The following KRT85 variants were observed in gnomAD, a reference collection of about 807,000 sequenced individuals.
KRT85 encodes the protein keratin 85.
In KRT85, 39 loss-of-function variants were observed where a neutral mutation model predicts 53.7. The ratio of observed to expected loss-of-function variants is 0.73; its 90% CI spans 0.56 to 0.95. The LOEUF is 0.95. KRT85 is among the 40% of genes least tolerant of loss of function. The pLI is 0.00. For missense variants in KRT85, 668 were observed against 686.0 expected (o/e 0.97, Z 0.29); for synonymous variants, 291 against 277.5 (o/e 1.05, Z -0.48).
At chr12:52,362,101 A>G in intron 7 of KRT85, 150 bp downstream of exon 7, 1 of 1,033,690 alleles carries the variant, frequency 9.7e-7, no homozygotes, top group Non-Finnish European at 1.5e-6. Context: ...CAGGTCTAGC[A>G]CAGAAGCATT....
Position 52,364,113 on chromosome 12 carries a change from C to T in KRT85, c.741G>A (p.Glu247=). 2 of 1,614,198 alleles carry T rather than the reference C, an allele frequency of 1.2e-6. No homozygotes were observed. Among genetic ancestry groups the T allele is most frequent in the Non-Finnish European group, 1.7e-6 (2 of 1,180,044 alleles). Residue 247 remains glutamate (E), a synonymous_variant, in exon 4 of 9, where the codon GAG becomes GAA. Transcript: ENST00000257901. ...GGAAGCTAGACTCCTCCACCAGGGC[C>T]TCCACATTGGCCTCCAGGTCTGATT... ...LRKSDLEANV[E]ALVEESSFLR...
chr12:52,364,447 G>A (rs777021281), intron 2 of KRT85, 81 bp from the exon 3 acceptor site: 6 of 1,611,568 alleles, frequency 3.7e-6, no homozygotes, highest in Non-Finnish European at 4.2e-6. Flanking sequence ...GTTCTTCCGG[G>A]GATTGAAAAG....
chr12:52,364,776 A>C, intron 2 of KRT85, 186 bp downstream of exon 2: 1 of 1,367,230 alleles, frequency 7.3e-7, no homozygotes, highest in Non-Finnish European at 1.0e-6. Flanking sequence ...TAAGGCTCAC[A>C]GGGGTGGAGT....
chr12:52,361,878 G>A (rs972509812), intron 7 of KRT85, among the ~76,000 whole-genome samples: 3 of 152,140 alleles, frequency 2.0e-5, no homozygotes, highest in Non-Finnish European at 4.4e-5. Context: ...ACACAGGCCT[G>A]TGTGGCAGCA....
intron 4 of KRT85, 104 bp downstream of exon 4, chr12:52,363,964 C>T (rs943442907): frequency 4.4e-6 from 4 of 902,176 alleles, no homozygotes; most frequent in Non-Finnish European, 7.5e-6. Context: ...ACTTACATTG[C>T]ACATTGGCAA....
intron 1 of KRT85, 89 bp downstream of exon 1, chr12:52,366,897 G>T: frequency 1.2e-6 from 2 of 1,607,806 alleles, no homozygotes; most frequent in Non-Finnish European, 1.7e-6. Flanking sequence ...CCTCAAACCG[G>T]CAGCCATCCT....
intron 1 of KRT85, among the ~76,000 whole-genome samples, chr12:52,366,785 C>T (rs1939277830): frequency 6.6e-6 from 1 of 152,162 alleles, no homozygotes; most frequent in East Asian, 1.9e-4. Flanking sequence ...ATCACAGGCT[C>T]AATTTCTAGA....
chr12:52,367,220 G>A lies in KRT85; in HGVS notation c.186C>T (p.Cys62=), dbSNP rs998518884. ...GSRSLCNLGS[C]GPRIAVGGFR... is the part of the protein sequence containing the mutation. ...AGCCACCTACAGCTATCCGGGGCCC[G>A]CAGGAGCCCAGGTTGCAGAGGCTGC... Residue 62 remains cysteine (C), a synonymous_variant, in exon 1 of 9, where the codon TGC becomes TGT. Coordinates refer to ENST00000257901, the MANE Select transcript of KRT85 (RefSeq NM_002283.4). 2 of 1,613,432 alleles carry A rather than the reference G, an allele frequency of 1.2e-6. No individual in the cohort carries two copies. Among genetic ancestry groups the A allele is most frequent in the Non-Finnish European group, 1.7e-6 (2 of 1,179,642 alleles).
In KRT85 at chr12:52,363,252, A is replaced by T. The variant is rs1336756037; in HGVS notation, c.945T>A (p.Arg315=). 2 of 1,614,058 alleles carry T rather than the reference A, an allele frequency of 1.2e-6. No homozygotes were observed. Among genetic ancestry groups the T allele is most frequent in the Non-Finnish European group, 1.7e-6 (2 of 1,179,996 alleles). ...RSRAEAESWY[R]SKCEEMKATV... ...GGTGTCCTGTGCCACTCACCTTGCTACGGTACCAGGACTCAGCCTCGGCCC... is the reference window on the plus strand; with the variant it reads ...GGTGTCCTGTGCCACTCACCTTGCTTCGGTACCAGGACTCAGCCTCGGCCC... Residue 315 remains arginine (R), a synonymous_variant, in exon 5 of 9, where the codon CGT becomes CGA. Coordinates refer to ENST00000257901, the MANE Select transcript of KRT85 (RefSeq NM_002283.4).
intron 2 of KRT85, chr12:52,364,656 G>T: frequency 1.4e-6 from 2 of 1,437,278 alleles, no homozygotes; most frequent in Non-Finnish European, 9.1e-7. Context: ...GGTTCCATTG[G>T]CAGGGAGATC....
Position 52,367,190 on chromosome 12 carries a change from T to G in KRT85, c.216A>C (p.Arg72=), listed in dbSNP as rs769219093. 2.1e-5 allele frequency: 34 copies of G among 1,613,690 alleles called. No individual in the cohort carries two copies. The highest frequency in any genetic ancestry group is 2.8e-5 in the Non-Finnish European group (33 of 1,179,964). Residue 72 remains arginine (R), a synonymous_variant, in exon 1 of 9, where the codon CGA becomes CGC. Coordinates refer to ENST00000257901, the MANE Select transcript of KRT85 (RefSeq NM_002283.4). ...CGAAGCTGCGTCCGCAGGAGCCGGC[T>G]CGGAAGCCACCTACAGCTATCCGGG... is the stretch of plus-strand genomic sequence containing the variant. The part of the protein sequence containing the change: ...CGPRIAVGGF[R]AGSCGRSFGY...
chr12:52,362,249 A>C lies in KRT85; in HGVS notation c.1298+2T>G, dbSNP rs1299079734. On this transcript the variant is annotated splice_donor_variant, in intron 7 of 8. Coordinates refer to ENST00000257901, the MANE Select transcript of KRT85 (RefSeq NM_002283.4). LOFTEE classifies it high-confidence loss of function. The stretch of plus-strand genomic sequence containing the variant: ...AACCCCACAAAGTCCTCTTAGCCCC[A>C]CCTGTGTTCCTCGCCCTCCAGCAGG... The C allele has an allele frequency of 9.3e-6, 15 of 1,613,722 alleles. No homozygotes were observed. The highest frequency in any genetic ancestry group is 1.3e-5 in the Non-Finnish European group (15 of 1,179,858).
At chr12:52,364,035 C>G (rs896047993) in intron 4 of KRT85, 33 bp downstream of exon 4, 28 of 1,558,554 alleles carry the variant, frequency 1.8e-5, no homozygotes, top group Non-Finnish European at 2.5e-5. Context: ...CACCCCTCCA[C>G]CTGCCCTGGC....
chr12:52,364,953 T>C lies in KRT85; in HGVS notation c.629+9A>G. ...TTTCCCCTGAGTCCCCCCAGCTTGC[T>C]GCACTCACTTCTTCTTGTAGCCCTC... is the stretch of plus-strand genomic sequence containing the variant. On this transcript the variant is annotated intron_variant, in intron 2 of 8. Transcript: ENST00000257901. 1 of 1,612,412 alleles carries C rather than the reference T, an allele frequency of 6.2e-7. No individual in the cohort carries two copies. Among genetic ancestry groups the C allele is most frequent in the Non-Finnish European group, 8.5e-7 (1 of 1,179,896 alleles).
At position 52,364,058 on chromosome 12, in the gene KRT85, G is replaced by T; in HGVS notation, c.786+10C>A. The T allele has an allele frequency of 1.2e-6, 2 of 1,609,842 alleles. No individual in the cohort carries two copies. ...CACCTGCCCTGGCTGGGTGGCAGTTGCCCCCTTACCTCTTCATAGAGGCGC... is the reference window on the plus strand; with the variant it reads ...CACCTGCCCTGGCTGGGTGGCAGTTTCCCCCTTACCTCTTCATAGAGGCGC... On this transcript the variant is annotated intron_variant, in intron 4 of 8. Coordinates refer to ENST00000257901, the MANE Select transcript of KRT85 (RefSeq NM_002283.4).
At chr12:52,364,700 G>GA in intron 2 of KRT85, 4 of 1,426,250 alleles carry the variant, frequency 2.8e-6, no homozygotes, top group Non-Finnish European at 3.7e-6. Flanking sequence ...AGCTGTGAAG[G>GA]ACAGGGACAT....
chr12:52,362,736 TAG>T, intron 6 of KRT85, 116 bp downstream of exon 6: 1 of 1,507,546 alleles, frequency 6.6e-7, no homozygotes, highest in Non-Finnish European at 9.2e-7. Flanking sequence ...TGAAATATGA[TAG>T]AGCCCCTCCC....
At chr12:52,363,082 C>G in intron 5 of KRT85, 103 bp from the exon 6 acceptor site, 4 of 1,580,904 alleles carry the variant, frequency 2.5e-6, no homozygotes, top group Non-Finnish European at 3.5e-6. Context: ...GCCTGTGCAA[C>G]CACACATGGC....
chr12:52,362,557 G>A (rs1939208711), intron 6 of KRT85, 86 bp from the exon 7 acceptor site: 19 of 1,520,962 alleles, frequency 1.2e-5, no homozygotes, highest in Non-Finnish European at 1.7e-5. Context: ...GGCAGGGAGA[G>A]GAGGGTCCTG....
Sources: allele counts gnomAD v4.1 joint callset (sites outside exome capture counted in the v4.1 genomes callset), GRCh38; gene constraint gnomAD v4.1.1; transcripts MANE v1.5; gene names NCBI Gene and HGNC (gene_info 2026-07-23, HGNC 2026-07-21).